Variants in BBS9 observed in about 807,000 individuals in gnomAD.
BBS9 encodes Bardet-Biedl syndrome 9.
BBS9 carries 89 observed loss-of-function variants against 117.7 expected under a neutral mutation model. That is an observed-to-expected ratio of 0.76 (90% confidence interval 0.64 to 0.90). BBS9 has a LOEUF of 0.90. Ranked by LOEUF, BBS9 falls within the 40% of genes least tolerant of loss-of-function variation. The pLI, the probability that BBS9 is intolerant of heterozygous loss-of-function variation, is 0.00. For missense variants in BBS9, 982 were observed against 1,042.2 expected, an observed-to-expected ratio of 0.94 and a Z score of 0.80; for synonymous variants, 379 against 370.9, an observed-to-expected ratio of 1.02 and a Z score of -0.25.
At chr7:33,449,587 T>A (rs1032561878) in intron 19 of BBS9, among the ~76,000 whole-genome samples, 3 of 152,148 alleles carry the variant, frequency 2.0e-5, no homozygotes, top group African/African-American at 7.2e-5. Flanking sequence ...TTTGAGAGAT[T>A]CATATAAGCC....
At chr7:33,146,717 A>G (rs116973433) in intron 2 of BBS9, among the ~76,000 whole-genome samples, 15,637 of 148,040 alleles carry the variant, frequency 0.11, 1,150 homozygotes, top group Non-Finnish European at 0.16. Context: ...AAAAAAAAAA[A>G]AGAGATAAAA....
rs756620095 is a variant in BBS9 at position 33,605,204 on chromosome 7, C to G, written c.2642C>G (p.Pro881Arg). 8.1e-6 allele frequency: 13 copies of G among 1,612,446 alleles called. No individual in the cohort carries two copies. Among genetic ancestry groups the G allele is most frequent in the African/African-American group, 1.3e-5 (1 of 74,816 alleles). ...CTCTCTTTTTTTCCAGAAGTTTCAC[C>G]CCTCCAAGGAGTCTCGGAATAATTC... ...TAETPRPEVSPLQGVSE is the reference protein window; with the variant it reads ...TAETPRPEVSRLQGVSE The change falls in exon 23 of 23, where the codon CCC (proline) becomes CGC (arginine). Residue 881 changes from proline to arginine, a missense_variant. By Grantham distance (103) the Pro-to-Arg change is moderately radical. Coordinates refer to ENST00000242067, the MANE Select transcript of BBS9 (RefSeq NM_198428.3).
chr7:33,170,193 A>G (rs1796328396), intron 4 of BBS9, among the ~76,000 whole-genome samples: 1 of 151,444 alleles, frequency 6.6e-6, no homozygotes, highest in Non-Finnish European at 1.5e-5. Context: ...CATTGATGCA[A>G]AAATCCTCAA....
chr7:33,624,932 A>G (rs1865570576), intron 21 of BBS9, among the ~76,000 whole-genome samples: 2 of 152,158 alleles, frequency 1.3e-5, no homozygotes, highest in South Asian at 2.1e-4. Flanking sequence ...CATAAACAGT[A>G]ATCACCCTGG....
intron 21 of BBS9, among the ~76,000 whole-genome samples, chr7:33,565,801 A>G (rs76102252): frequency 9.0e-5 from 4 of 44,538 alleles, no homozygotes; most frequent in African/African-American, 1.6e-4. Flanking sequence ...ATATATATAT[A>G]TATATATATA....
At chr7:33,537,460 G>C (rs1403513125) in intron 21 of BBS9, among the ~76,000 whole-genome samples, 1 of 152,194 alleles carries the variant, frequency 6.6e-6, no homozygotes, top group Non-Finnish European at 1.5e-5. Flanking sequence ...TGTTGTTGTT[G>C]CAGAGCTATC....
intron 5 of BBS9, among the ~76,000 whole-genome samples, chr7:33,236,724 A>G (rs1793590234): frequency 6.6e-6 from 1 of 152,120 alleles, no homozygotes; most frequent in Non-Finnish European, 1.5e-5. Flanking sequence ...GAAAGATTAA[A>G]TGAAGCTAAT....
chr7:33,328,261 C>G (rs750078778), intron 9 of BBS9, among the ~76,000 whole-genome samples: 11 of 152,226 alleles, frequency 7.2e-5, no homozygotes, highest in Non-Finnish European at 1.6e-4. Flanking sequence ...CCATTGCACT[C>G]TCTTCTTACT....
chr7:33,552,739 C>T (rs1854633541), intron 21 of BBS9, among the ~76,000 whole-genome samples: 1 of 152,170 alleles, frequency 6.6e-6, no homozygotes, highest in Non-Finnish European at 1.5e-5. Flanking sequence ...CTTACTTCTA[C>T]TGCACTATGA....
At chr7:33,534,198 C>G (rs769497309) in intron 21 of BBS9, 22 bp downstream of exon 21, 18 of 1,603,004 alleles carry the variant, frequency 1.1e-5, no homozygotes, top group Admixed American at 5.0e-5. Context: ...GTCCATGCTC[C>G]CTAATCACAA....
chr7:33,520,288 A>G (rs1848420051), intron 20 of BBS9, among the ~76,000 whole-genome samples: 1 of 152,180 alleles, frequency 6.6e-6, no homozygotes, highest in Non-Finnish European at 1.5e-5. Context: ...CTGGGATTAC[A>G]TGCGTGAGCC....
At chr7:33,336,207 A>T (rs879579653) in intron 9 of BBS9, among the ~76,000 whole-genome samples, 2 of 152,246 alleles carry the variant, frequency 1.3e-5, no homozygotes, top group African/African-American at 4.8e-5. Context: ...GGTAGCTATT[A>T]TAATAATTAA....
At chr7:33,556,253 T>C (rs1376487706) in intron 21 of BBS9, among the ~76,000 whole-genome samples, 1 of 152,198 alleles carries the variant, frequency 6.6e-6, no homozygotes, top group Non-Finnish European at 1.5e-5. Flanking sequence ...TTGTTCTCTA[T>C]CTGGAACTAC....
At chr7:33,502,881 G>C (rs1845641235) in intron 19 of BBS9, among the ~76,000 whole-genome samples, 1 of 152,042 alleles carries the variant, frequency 6.6e-6, no homozygotes, top group African/African-American at 2.4e-5. Flanking sequence ...TGAAAATGAG[G>C]GGCCCTTGTT....
chr7:33,260,475 T>C (rs1562894248), intron 6 of BBS9, among the ~76,000 whole-genome samples: 1 of 152,346 alleles, frequency 6.6e-6, no homozygotes, highest in Non-Finnish European at 1.5e-5. Flanking sequence ...GCTAATGTCA[T>C]GTATTGCCTT....
chr7:33,279,991 C>CT (rs1801505673), intron 9 of BBS9, among the ~76,000 whole-genome samples: 1 of 152,166 alleles, frequency 6.6e-6, no homozygotes. Context: ...CTAAACTTTG[C>CT]TGGCAGCTCA....
At chr7:33,386,694 C>T (rs1826088772) in intron 18 of BBS9, among the ~76,000 whole-genome samples, 1 of 151,946 alleles carries the variant, frequency 6.6e-6, no homozygotes, top group South Asian at 2.1e-4. Context: ...CGGGGTTTCA[C>T]TGTGTTAGCC....
chr7:33,226,566 G>T (rs1791321637), intron 5 of BBS9, among the ~76,000 whole-genome samples: 1 of 152,080 alleles, frequency 6.6e-6, no homozygotes, highest in South Asian at 2.1e-4. Flanking sequence ...GTAAAAGCAG[G>T]GATTAGGAAA....
intron 9 of BBS9, among the ~76,000 whole-genome samples, chr7:33,301,064 G>T (rs938527391): frequency 1.3e-5 from 2 of 151,710 alleles, no homozygotes; most frequent in African/African-American, 4.8e-5. Context: ...CTTCTTTGAA[G>T]GTACCTGTCC....
Sources: gnomAD v4.1 joint callset for allele counts (sites outside exome capture counted in the v4.1 genomes callset) on GRCh38, gnomAD v4.1.1 for gene constraint, MANE v1.5 for transcripts, NCBI Gene and HGNC (gene_info 2026-07-23, HGNC 2026-07-21) for gene names.